The following SAE1 variants were observed in gnomAD, a reference collection of about 807,000 sequenced individuals.
SAE1 encodes the protein SUMO1 activating enzyme subunit 1, also known as SUMO-activating enzyme subunit 1.
Under a neutral mutation model 40.6 loss-of-function variants are expected in SAE1, and 11 were observed. The observed-to-expected ratio is 0.27, with a 90% CI of 0.17 to 0.45. The LOEUF (loss-of-function observed/expected upper bound fraction) is 0.45, where lower values mean the gene tolerates loss of function less well. Among genes scored for constraint, SAE1 ranks in the 20% least tolerant of loss-of-function variants. The probability of loss-of-function intolerance (pLI) is 1.00; values close to 1 mark genes in which losing one functional copy is unlikely to be tolerated. For missense variants in SAE1, 373 were observed against 427.3 expected (o/e 0.87, Z 1.12); for synonymous variants, 155 against 154.3 (o/e 1.00, Z -0.03).
intron 6 of SAE1, among the ~76,000 whole-genome samples, chr19:47,184,442 C>T (rs1038993199): frequency 1.3e-5 from 2 of 152,140 alleles, no homozygotes; most frequent in Non-Finnish European, 2.9e-5. Context: ...TGGAGTCTTG[C>T]TCTTGTCGCC....
intron 2 of SAE1, 55 bp downstream of exon 2, chr19:47,143,660 AGAT>A (rs1361850313): frequency 2.3e-6 from 3 of 1,332,674 alleles, no homozygotes; most frequent in Non-Finnish European, 3.2e-6. Context: ...TCCAGCATGA[AGAT>A]CTGCAGATTT....
intron 8 of SAE1, 140 bp downstream of exon 8, chr19:47,203,880 C>T (rs1217318211): frequency 2.7e-6 from 2 of 750,218 alleles, no homozygotes; most frequent in Non-Finnish European, 4.5e-6. Flanking sequence ...CCATTTCCAC[C>T]TCATCCCATT....
At chr19:47,196,044 CTT>C (rs778913288) in intron 6 of SAE1, among the ~76,000 whole-genome samples, 14 of 129,918 alleles carry the variant, frequency 1.1e-4, no homozygotes, top group Admixed American at 1.6e-4. Flanking sequence ...TCTTCCGGGT[CTT>C]TTTTTTTTTT....
chr19:47,164,395 C>G (rs1568595552), intron 5 of SAE1, among the ~76,000 whole-genome samples: 1 of 151,920 alleles, frequency 6.6e-6, no homozygotes, highest in Non-Finnish European at 1.5e-5. Flanking sequence ...TCTCCATCTG[C>G]TGACCTCGTG....
chr19:47,171,335 C>T (rs999557503), intron 6 of SAE1, among the ~76,000 whole-genome samples: 7 of 151,782 alleles, frequency 4.6e-5, no homozygotes, highest in Non-Finnish European at 1.0e-4. Context: ...GCTCTGTCGC[C>T]CAGGCTGGAG....
chr19:47,186,899 G>A (rs139794298), intron 6 of SAE1, among the ~76,000 whole-genome samples: 4 of 152,290 alleles, frequency 2.6e-5, no homozygotes, highest in East Asian at 1.9e-4. Flanking sequence ...TGGCTGTGGC[G>A]ACAGACAGAG....
chr19:47,200,971 C>T (rs1020578169), intron 7 of SAE1, among the ~76,000 whole-genome samples: 2 of 152,034 alleles, frequency 1.3e-5, no homozygotes, highest in Non-Finnish European at 2.9e-5. Context: ...GAATCTCCTG[C>T]CTCAGCCTCC....
intron 7 of SAE1, 68 bp from the exon 8 acceptor site, chr19:47,203,603 T>C: frequency 6.9e-7 from 1 of 1,439,960 alleles, no homozygotes; most frequent in Non-Finnish European, 9.8e-7. Context: ...TACTACTGAA[T>C]TTCTCCAGAT....
At chr19:47,175,561 A>G (rs990738134) in intron 6 of SAE1, among the ~76,000 whole-genome samples, 1 of 152,032 alleles carries the variant, frequency 6.6e-6, no homozygotes. Flanking sequence ...AGATGGTGAA[A>G]TCCCGTCTCT....
chr19:47,180,561 G>T (rs1392384597), intron 6 of SAE1, among the ~76,000 whole-genome samples: 2 of 152,112 alleles, frequency 1.3e-5, no homozygotes, highest in Non-Finnish European at 2.9e-5. Flanking sequence ...ATGCCTGGTG[G>T]CTCACCCCTA....
At chr19:47,204,972 G>A (rs910839843) in intron 8 of SAE1, among the ~76,000 whole-genome samples, 5 of 152,148 alleles carry the variant, frequency 3.3e-5, no homozygotes, top group Non-Finnish European at 5.9e-5. Context: ...CACATAACCA[G>A]TAACTAGCAC....
chr19:47,132,373 C>T (rs1472422541), intron 1 of SAE1, among the ~76,000 whole-genome samples: 2 of 151,456 alleles, frequency 1.3e-5, no homozygotes, highest in African/African-American at 4.9e-5. Flanking sequence ...TTCAGCCTCC[C>T]AAGTAGCTGG....
chr19:47,206,875 G>T (rs1417305678), intron 8 of SAE1, among the ~76,000 whole-genome samples: 1 of 152,188 alleles, frequency 6.6e-6, no homozygotes, highest in African/African-American at 2.4e-5. Context: ...ACTCTAGCAG[G>T]CAGGTGCTTT....
chr19:47,172,463 G>A (rs537905027), intron 6 of SAE1, among the ~76,000 whole-genome samples: 2 of 152,148 alleles, frequency 1.3e-5, no homozygotes, highest in South Asian at 4.2e-4. Flanking sequence ...AAACAATGGC[G>A]CTAATTTGCC....
intron 5 of SAE1, among the ~76,000 whole-genome samples, chr19:47,168,202 A>G (rs77650237): frequency 6.6e-6 from 1 of 151,980 alleles, no homozygotes; most frequent in Non-Finnish European, 1.5e-5. Flanking sequence ...GAAAAAAAAA[A>G]TGTTTAAAAC....
At chr19:47,173,410 T>TG (rs1402188719) in intron 6 of SAE1, among the ~76,000 whole-genome samples, 1 of 152,220 alleles carries the variant, frequency 6.6e-6, no homozygotes, top group Non-Finnish European at 1.5e-5. Flanking sequence ...CTGATGCTGA[T>TG]GTCCAGTAGC....
In SAE1 at chr19:47,130,969, G is replaced by C; in HGVS notation, c.39G>C (p.Glu13Asp). The C allele has an allele frequency of 6.5e-7, 1 of 1,549,890 alleles. No homozygotes were observed. Residue 13 changes from glutamate to aspartate, a missense_variant, in exon 1 of 9, where the codon GAG becomes GAC. By Grantham distance (45) the Glu-to-Asp change is conservative. Coordinates refer to ENST00000270225, the MANE Select transcript of SAE1 (RefSeq NM_005500.3). ...EKEEAGGGIS[E>D]EEAAQYDRQI... ...AGGAGGCTGGCGGCGGCATTAGCGA[G>C]GAGGAGGCGGCACAGTATGACCGGC... is the stretch of plus-strand genomic sequence containing the variant.
rs566889316 is a variant in SAE1, at chr19:47,135,800, A to AT, written c.98+4783dup. Among the ~76,000 whole-genome samples, 379 of 146,478 alleles carry AT rather than the reference A, an allele frequency of 2.6e-3. 1 individual carries two copies. The highest frequency in any genetic ancestry group is 4.1e-3 in the Admixed American group (60 of 14,578). On this transcript the variant is annotated intron_variant, in intron 1 of 8. Coordinates refer to ENST00000270225, the MANE Select transcript of SAE1 (RefSeq NM_005500.3). ...GCCCAGCCTTTGTACCACAATTTCT[A>AT]TTTTTTTTTTTGAAACGGAGTCTCG...
intron 6 of SAE1, among the ~76,000 whole-genome samples, chr19:47,189,295 C>T (rs1299835074): frequency 1.3e-5 from 2 of 151,766 alleles, no homozygotes; most frequent in African/African-American, 4.9e-5. Flanking sequence ...CAGTGGCTCA[C>T]GCCTGTAACC....
Sources: gnomAD v4.1 joint callset for allele counts (sites outside exome capture counted in the v4.1 genomes callset) on GRCh38, gnomAD v4.1.1 for gene constraint, MANE v1.5 for transcripts, NCBI Gene and HGNC (gene_info 2026-07-23, HGNC 2026-07-21) for gene names.